PLEKHG1: variants seen among roughly 807,000 people sequenced by gnomAD.
PLEKHG1 encodes pleckstrin homology domain-containing family G member 1.
A neutral mutation model predicts 100.8 loss-of-function variants in PLEKHG1; 44 were observed. That is an observed-to-expected ratio of 0.44 (90% CI 0.34 to 0.56). PLEKHG1 has a LOEUF of 0.56. Ranked by LOEUF, PLEKHG1 falls within the 20% of genes least tolerant of loss-of-function variation. The probability of loss-of-function intolerance (pLI) is 0.01; values close to 1 mark genes in which losing one functional copy is unlikely to be tolerated. For synonymous variants in PLEKHG1, 640 were observed against 662.5 expected (o/e 0.97, Z 0.52); for missense variants, 1,545 against 1,720.9 (o/e 0.90, Z 1.81).
At chr6:150,761,376 C>T (rs1437726489) in intron 2 of PLEKHG1, among the ~76,000 whole-genome samples, 8 of 151,652 alleles carry the variant, frequency 5.3e-5, no homozygotes, top group Admixed American at 3.3e-4. Context: ...GGTGCGATCT[C>T]GGCTCACTAC....
chr6:150,629,665 T>C (rs1382942073), intron 1 of PLEKHG1, among the ~76,000 whole-genome samples: 1 of 152,164 alleles, frequency 6.6e-6, no homozygotes, highest in Non-Finnish European at 1.5e-5. Flanking sequence ...TTCACCATAT[T>C]GGCCAGGATG....
chr6:150,836,649 T>C (rs534496654), intron 15 of PLEKHG1, among the ~76,000 whole-genome samples: 11 of 152,106 alleles, frequency 7.2e-5, no homozygotes, highest in African/African-American at 2.7e-4. Flanking sequence ...AGACTTTCTC[T>C]CTACAAAAAA....
intron 2 of PLEKHG1, among the ~76,000 whole-genome samples, chr6:150,764,117 C>T (rs201622790): frequency 6.9e-6 from 1 of 145,718 alleles, no homozygotes; most frequent in East Asian, 2.0e-4. Context: ...TTTTCTTTTT[C>T]TTTTTCTTTT....
At chr6:150,658,043 A>C (rs1779038437) in intron 3 of PLEKHG1, among the ~76,000 whole-genome samples, 1 of 152,210 alleles carries the variant, frequency 6.6e-6, no homozygotes, top group Admixed American at 6.5e-5. Flanking sequence ...AGGTAGTCAA[A>C]GCCTACATTC....
At chr6:150,771,619 C>T (rs1218497409) in intron 3 of PLEKHG1, among the ~76,000 whole-genome samples, 1 of 151,674 alleles carries the variant, frequency 6.6e-6, no homozygotes, top group Non-Finnish European at 1.5e-5. Flanking sequence ...AGTCTCGGCT[C>T]ATTGCAACCT....
exon 16 of PLEKHG1, chr6:150,840,650 A>G (rs1777480778): frequency 6.2e-7 from 1 of 1,614,118 alleles, no homozygotes; most frequent in Non-Finnish European, 8.5e-7. Flanking sequence ...AATCTGACTC[A>G]AAGTTTGTGG....
chr6:150,783,815 A>G (rs1272331833), intron 3 of PLEKHG1, among the ~76,000 whole-genome samples: 1 of 152,212 alleles, frequency 6.6e-6, no homozygotes, highest in Non-Finnish European at 1.5e-5. Context: ...TAAGATGTCT[A>G]TTTATTTAAT....
chr6:150,637,007 A>G (rs1372706450), intron 1 of PLEKHG1, among the ~76,000 whole-genome samples: 1 of 152,190 alleles, frequency 6.6e-6, no homozygotes, highest in Non-Finnish European at 1.5e-5. Context: ...TCCCAGTTTT[A>G]GCTCTGAAAG....
chr6:150,605,454 G>C (rs1197790957), intron 1 of PLEKHG1: 1 of 152,216 alleles, frequency 6.6e-6, no homozygotes, highest in Admixed American at 6.5e-5. Flanking sequence ...ATTTCCCTCT[G>C]TAAAGCATTT....
chr6:150,831,556 TC>T lies in PLEKHG1; in HGVS notation c.2448del (p.Ser817ValfsTer19). ...GTTATCTGAGTTTGCTGTATGACTC[TC>T]CCAGTGGTAACTTGTCTATGCCTCA... On this transcript the variant is annotated frameshift_variant, in exon 15 of 16. Transcript: ENST00000358517. LOFTEE classifies it high-confidence loss of function. This position sits in a 1 kb window ranked among gnomAD's most constrained non-coding sequence, Gnocchi z 4.1. 6.2e-7 allele frequency: 1 copy of T among 1,614,184 alleles called. No homozygotes were observed. Among genetic ancestry groups the T allele is most frequent in the Non-Finnish European group, 8.5e-7 (1 of 1,180,022 alleles).
At chr6:150,756,901 G>A (rs1001080701) in intron 2 of PLEKHG1, among the ~76,000 whole-genome samples, 1 of 152,146 alleles carries the variant, frequency 6.6e-6, no homozygotes, top group Non-Finnish European at 1.5e-5. Flanking sequence ...AATTAGATGG[G>A]CAAGTGTTCC....
At chr6:150,751,759 T>C (rs767885824) in intron 2 of PLEKHG1, among the ~76,000 whole-genome samples, 1 of 152,140 alleles carries the variant, frequency 6.6e-6, no homozygotes, top group Non-Finnish European at 1.5e-5. Flanking sequence ...ATAAGGCCAT[T>C]TGGAAGGGTG....
rs896134996 is a variant in PLEKHG1, at chr6:150,814,040, C to G, written c.1279-4143C>G. 5.3e-5 allele frequency among the ~76,000 whole-genome samples: 8 copies of G among 152,248 alleles called. No individual in the cohort carries two copies. The East Asian group carries it at 1.5e-3, about 29-fold the overall frequency. On this transcript the variant is annotated intron_variant, in intron 10 of 15. Transcript: ENST00000358517. ...TGAAGCTTGTTCTCAGGACTGCCAG[C>G]AATGATTTGGTCCTCAGGAAATGAA...
chr6:150,729,128 GC>G (rs1373413944), intron 1 of PLEKHG1, among the ~76,000 whole-genome samples: 3 of 152,136 alleles, frequency 2.0e-5, no homozygotes, highest in Non-Finnish European at 4.4e-5. Flanking sequence ...GTCTCACTTT[GC>G]CACCCAGGCT....
intron 2 of PLEKHG1, among the ~76,000 whole-genome samples, chr6:150,743,430 G>A (rs1338891420): frequency 3.3e-5 from 5 of 152,280 alleles, no homozygotes; most frequent in East Asian, 3.9e-4. Context: ...GGAGGCTGAG[G>A]CAGGAGAATC....
intron 1 of PLEKHG1, among the ~76,000 whole-genome samples, chr6:150,631,092 G>A (rs1777729202): frequency 6.6e-6 from 1 of 152,144 alleles, no homozygotes; most frequent in African/African-American, 2.4e-5. Flanking sequence ...CAAATACTGT[G>A]GAAGAGTAAG....
chr6:150,628,575 C>CACACAT (rs754227842), intron 1 of PLEKHG1, among the ~76,000 whole-genome samples: 1,653 of 137,424 alleles, frequency 0.012, 70 homozygotes, highest in South Asian at 0.021. Context: ...CACACACACA[C>CACACAT]ACCCCGTCCT....
At chr6:150,609,811 G>C (rs1776747132) in intron 1 of PLEKHG1, among the ~76,000 whole-genome samples, 1 of 152,174 alleles carries the variant, frequency 6.6e-6, no homozygotes. Flanking sequence ...CATTGGTTCA[G>C]AACTGGCATG....
intron 10 of PLEKHG1, among the ~76,000 whole-genome samples, chr6:150,817,707 G>A (rs545754613): frequency 6.6e-5 from 10 of 151,892 alleles, no homozygotes; most frequent in South Asian, 2.1e-4. Flanking sequence ...ACAGGCACCC[G>A]CCACCATGCC....
Sources: allele counts gnomAD v4.1 joint callset (sites outside exome capture counted in the v4.1 genomes callset), GRCh38; gene constraint gnomAD v4.1.1; non-coding constraint Gnocchi (gnomAD v3.1); transcripts MANE v1.5; gene names NCBI Gene and HGNC (gene_info 2026-07-23, HGNC 2026-07-21).